The following HOMER1 variants were observed in gnomAD, a reference collection of about 807,000 sequenced individuals.
HOMER1 encodes homer scaffold protein 1.
In HOMER1, 3 loss-of-function variants were observed where a neutral mutation model predicts 48.9. The observed-to-expected ratio is 0.06, with a 90% CI of 0.03 to 0.16. The LOEUF (loss-of-function observed/expected upper bound fraction) is 0.16. Among genes scored for constraint, HOMER1 ranks in the 10% least tolerant of loss-of-function variants. The probability of loss-of-function intolerance (pLI) is 1.00; values close to 1 mark genes in which losing one functional copy is unlikely to be tolerated. For missense variants in HOMER1, 247 were observed against 411.4 expected (o/e 0.60, Z 3.46); for synonymous variants, 134 against 146.4 (o/e 0.92, Z 0.61).
chr5:79,450,287 G>A (rs542241679), intron 3 of HOMER1, among the ~76,000 whole-genome samples: 3 of 152,304 alleles, frequency 2.0e-5, no homozygotes, highest in South Asian at 4.1e-4. Flanking sequence ...TGATCACTTA[G>A]TATACTGAGA....
intron 1 of HOMER1, among the ~76,000 whole-genome samples, chr5:79,496,329 AC>A: frequency 6.6e-6 from 1 of 152,328 alleles, no homozygotes; most frequent in East Asian, 1.9e-4. Context: ...AAATAGGAGC[AC>A]CAGGAGAAAG....
intron 5 of HOMER1, among the ~76,000 whole-genome samples, chr5:79,409,371 G>A (rs112074605): frequency 0.029 from 4,454 of 151,228 alleles, 222 homozygotes; most frequent in African/African-American, 0.1. Context: ...GGCGGAGGTT[G>A]TGGTGAGCCA....
chr5:79,467,864 C>A (rs1260612219), intron 1 of HOMER1, among the ~76,000 whole-genome samples: 3 of 152,106 alleles, frequency 2.0e-5, no homozygotes, highest in Non-Finnish European at 4.4e-5. Flanking sequence ...TCAGCCTTGA[C>A]CTCTCAGGCT....
At chr5:79,385,792 G>A (rs1186061546) in intron 8 of HOMER1, among the ~76,000 whole-genome samples, 10 of 133,130 alleles carry the variant, frequency 7.5e-5, no homozygotes, top group African/African-American at 2.0e-4. Context: ...GCAGTGAGCC[G>A]AGATCGCACC....
intron 8 of HOMER1, among the ~76,000 whole-genome samples, chr5:79,381,086 C>T (rs756480897): frequency 1.3e-5 from 2 of 152,176 alleles, no homozygotes; most frequent in Non-Finnish European, 2.9e-5. Context: ...CAAGCAAACA[C>T]AGCCCTGGAG....
intron 1 of HOMER1, among the ~76,000 whole-genome samples, chr5:79,480,309 C>G (rs1751911873): frequency 6.6e-6 from 1 of 151,758 alleles, no homozygotes; most frequent in African/African-American, 2.4e-5. Flanking sequence ...TATATATAGT[C>G]TCATTTACAT....
Position 79,465,584 on chromosome 5 carries a change from C to CTTTTTTTTTTTTTTT in HOMER1, c.6-8581_6-8567dup, listed in dbSNP as rs10666507. ...AGTAACAGTACTGTTTACATTTCTT[C>CTTTTTTTTTTTTTTT]TTTTTTTTTTTTTTTTTTTTTTTTT... On this transcript the variant is annotated intron_variant, in intron 1 of 8. Coordinates refer to ENST00000334082, the MANE Select transcript of HOMER1 (RefSeq NM_004272.5). Among the ~76,000 whole-genome samples, 157 of 77,906 alleles carry CTTTTTTTTTTTTTTT rather than the reference C, an allele frequency of 2.0e-3. 19 individuals are homozygous for CTTTTTTTTTTTTTTT. The highest frequency in any genetic ancestry group is 7.5e-3 in the African/African-American group (123 of 16,494). The allele number at this position is 77,906 out of a possible 152,430, so 51.1% of individuals were successfully genotyped here.
intron 1 of HOMER1, among the ~76,000 whole-genome samples, chr5:79,493,315 C>A (rs905272529): frequency 6.6e-6 from 1 of 152,168 alleles, no homozygotes; most frequent in Non-Finnish European, 1.5e-5. Flanking sequence ...GGCTTCTAAT[C>A]TCAGCTGGGA....
chr5:79,425,754 T>G (rs1200866539), intron 5 of HOMER1, among the ~76,000 whole-genome samples: 3 of 151,888 alleles, frequency 2.0e-5, no homozygotes, highest in Non-Finnish European at 4.4e-5. Context: ...ATTACTAGTA[T>G]CCATTCTCTG....
chr5:79,493,332 A>C (rs1329164945), intron 1 of HOMER1, among the ~76,000 whole-genome samples: 1 of 152,164 alleles, frequency 6.6e-6, no homozygotes, highest in Non-Finnish European at 1.5e-5. Context: ...GGGACCTTTA[A>C]GCTCCTCAGC....
intron 1 of HOMER1, among the ~76,000 whole-genome samples, chr5:79,466,983 G>A (rs1436218128): frequency 1.3e-5 from 2 of 151,904 alleles, no homozygotes; most frequent in African/African-American, 4.8e-5. Flanking sequence ...GTAGAGATAG[G>A]GTTTCACCAT....
intron 1 of HOMER1, chr5:79,511,012 G>T: frequency 2.9e-6 from 1 of 341,472 alleles, no homozygotes; most frequent in East Asian, 4.7e-5. Context: ...AGAAACCTCA[G>T]GCAGGGAAAA....
At position 79,418,905 on chromosome 5, in the gene HOMER1, G is replaced by C. The variant is rs1163747025; in HGVS notation, c.528-16850C>G. Among the ~76,000 whole-genome samples the C allele has an allele frequency of 3.9e-5, 6 of 152,166 alleles. No individual in the cohort carries two copies. The South Asian group carries it at 1.2e-3, about 31-fold the overall frequency. ...GCCACACAGAGATCACTGAAAAATA[G>C]GTGACTACTTTTAAACTAGTTTAGA... On this transcript the variant is annotated intron_variant, in intron 5 of 8. Transcript: ENST00000334082.
At position 79,483,060 on chromosome 5, in the gene HOMER1, A is replaced by G. The variant is rs141322929; in HGVS notation, c.6-26042T>C. Reference sequence around the variant, plus strand: ...AAATGTCCAAATCTGATACTACTATAAAGCCATAGATCTGAGAAGTTCAAC... The same window carrying G: ...AAATGTCCAAATCTGATACTACTATGAAGCCATAGATCTGAGAAGTTCAAC... On this transcript the variant is annotated intron_variant, in intron 1 of 8. Coordinates refer to ENST00000334082, the MANE Select transcript of HOMER1 (RefSeq NM_004272.5). Among the ~76,000 whole-genome samples, 99 of 152,224 alleles carry G rather than the reference A, an allele frequency of 6.5e-4. 4 individuals are homozygous for G. Among genetic ancestry groups the G allele is most frequent in the African/African-American group, 2.2e-3 (93 of 41,552 alleles).
chr5:79,468,951 G>C (rs4235712), intron 1 of HOMER1, among the ~76,000 whole-genome samples: 96,382 of 152,102 alleles, frequency 0.63, 33,767 homozygotes, highest in East Asian at 0.99. Flanking sequence ...CCATCTGAGC[G>C]CAACAAATTG....
At position 79,422,989 on chromosome 5, in the gene HOMER1, T is replaced by C. The variant is rs185707761; in HGVS notation, c.527+16021A>G. Among the ~76,000 whole-genome samples, 754 of 152,232 alleles carry C rather than the reference T, an allele frequency of 5.0e-3. 3 individuals are homozygous for C. Among genetic ancestry groups the C allele is most frequent in the Non-Finnish European group, 8.4e-3 (571 of 67,978 alleles). On this transcript the variant is annotated intron_variant, in intron 5 of 8. Coordinates refer to ENST00000334082, the MANE Select transcript of HOMER1 (RefSeq NM_004272.5). ...ACAAGTGATAGTCTTCCCTGGTCCT[T>C]TTGGGTATAACACTTTAAGTTAGTC...
chr5:79,385,097 G>A (rs6879340), intron 8 of HOMER1, among the ~76,000 whole-genome samples: 39,239 of 151,818 alleles, frequency 0.26, 7,501 homozygotes, highest in African/African-American at 0.52. Context: ...CACCATATAT[G>A]AAAATCAATT....
chr5:79,378,096 T>C (rs1279428990), intron 8 of HOMER1, among the ~76,000 whole-genome samples: 10 of 151,968 alleles, frequency 6.6e-5, no homozygotes. Flanking sequence ...GGCAGGCACC[T>C]GTAATCTCAG....
At position 79,373,977 on chromosome 5, in the gene HOMER1, T is replaced by C. The variant is rs1748696592; in HGVS notation, c.*2032A>G. ...TGATCACTATGTCAAAATTTAAAAA[T>C]ATTTTATTACATCATTAAAATAATT... On this transcript the variant is annotated 3_prime_UTR_variant, in exon 9 of 9. Coordinates refer to ENST00000334082, the MANE Select transcript of HOMER1 (RefSeq NM_004272.5). 6.6e-6 allele frequency: 1 copy of C among 151,966 alleles called. No homozygotes were observed. The highest frequency in any genetic ancestry group is 2.1e-4 in the South Asian group (1 of 4,834). The allele number at this position is 151,966 out of a possible 1,614,324, so 9.4% of individuals were successfully genotyped here.
Sources: allele counts gnomAD v4.1 joint callset (sites outside exome capture counted in the v4.1 genomes callset), GRCh38; gene constraint gnomAD v4.1.1; transcripts MANE v1.5; gene names NCBI Gene and HGNC (gene_info 2026-07-23, HGNC 2026-07-21).